The following RBMS3 variants were observed in gnomAD, a reference collection of about 807,000 sequenced individuals.
The protein encoded by RBMS3 is RNA binding motif single stranded interacting protein 3.
In RBMS3, 27 loss-of-function variants were observed where a neutral mutation model predicts 66.8. That is an observed-to-expected ratio of 0.40 (90% confidence interval 0.30 to 0.56). The LOEUF is 0.56. Among genes scored for constraint, RBMS3 ranks in the 20% least tolerant of loss-of-function variants. RBMS3 has a pLI of 0.40. For synonymous variants in RBMS3, 188 were observed against 183.0 expected (o/e 1.03, Z -0.22); for missense variants, 513 against 549.5 (o/e 0.93, Z 0.66).
At chr3:29,803,679 T>A (rs11719867) in intron 6 of RBMS3, among the ~76,000 whole-genome samples, 47,619 of 151,842 alleles carry the variant, frequency 0.31, 7,954 homozygotes, top group Non-Finnish European at 0.38. Flanking sequence ...ACATTAGATA[T>A]GTAAAATGTA....
chr3:29,478,044 C>A (rs2043010525), intron 2 of RBMS3, among the ~76,000 whole-genome samples: 1 of 152,172 alleles, frequency 6.6e-6, no homozygotes. Flanking sequence ...GCTGGGATTA[C>A]AGGTGTGAGC....
chr3:29,809,866 T>A (rs975885406), intron 6 of RBMS3, among the ~76,000 whole-genome samples: 1 of 152,028 alleles, frequency 6.6e-6, no homozygotes, highest in Non-Finnish European at 1.5e-5. Context: ...AGGAAAAAAA[T>A]CACTTAAGCA....
intron 6 of RBMS3, among the ~76,000 whole-genome samples, chr3:29,831,363 C>T (rs888308201): frequency 1.3e-5 from 2 of 151,980 alleles, no homozygotes; most frequent in African/African-American, 2.4e-5. Context: ...CATGGTGGGG[C>T]CCATTTACCT....
intron 6 of RBMS3, among the ~76,000 whole-genome samples, chr3:29,774,337 A>G (rs2149399929): frequency 1.3e-5 from 2 of 152,162 alleles, no homozygotes; most frequent in Non-Finnish European, 2.9e-5. Context: ...AACAGCAGAT[A>G]AAACCGTGAT....
intron 1 of RBMS3, among the ~76,000 whole-genome samples, chr3:29,375,423 G>A (rs754673491): frequency 5.9e-5 from 9 of 152,090 alleles, no homozygotes; most frequent in Non-Finnish European, 8.8e-5. Context: ...GACAACCTAC[G>A]GAATGGGAGA....
chr3:29,685,048 TTTTGC>T (rs1162060585), intron 4 of RBMS3, among the ~76,000 whole-genome samples: 5 of 107,174 alleles, frequency 4.7e-5, no homozygotes, highest in African/African-American at 1.8e-4. Flanking sequence ...AATTTTTTTG[TTTTGC>T]TTTGTTTTGT....
In RBMS3 at chr3:30,007,344, T is replaced by C. The variant is rs1318087272; in HGVS notation, c.*3482T>C. The C allele has an allele frequency of 6.6e-6, 1 of 152,032 alleles. No individual in the cohort carries two copies. Among genetic ancestry groups the C allele is most frequent in the East Asian group, 1.9e-4 (1 of 5,196 alleles). 9.4% of individuals were successfully genotyped at this position (152,032 alleles called of 1,614,324 possible). ...CTTTTTTTTTTTCTTTAAGTTGAAG[T>C]TAATTTTCTGTGCATTCTGGTCCAC... On this transcript the variant is annotated 3_prime_UTR_variant, in exon 15 of 15. Coordinates refer to ENST00000383767, the MANE Select transcript of RBMS3 (RefSeq NM_001003793.3).
chr3:29,757,313 A>G (rs901883371), intron 5 of RBMS3, among the ~76,000 whole-genome samples: 1 of 152,244 alleles, frequency 6.6e-6, no homozygotes, highest in Non-Finnish European at 1.5e-5. Context: ...GCCATGCAGA[A>G]AGCATGGGTT....
intron 12 of RBMS3, among the ~76,000 whole-genome samples, chr3:29,950,417 T>C (rs1423201706): frequency 6.6e-6 from 1 of 151,800 alleles, no homozygotes; most frequent in Non-Finnish European, 1.5e-5. Context: ...CAATGGACTT[T>C]AAAGTAAGCT....
At chr3:29,713,925 C>A (rs564175203) in intron 4 of RBMS3, among the ~76,000 whole-genome samples, 1 of 151,834 alleles carries the variant, frequency 6.6e-6, no homozygotes, top group Non-Finnish European at 1.5e-5. Flanking sequence ...CATGGTGGTG[C>A]GTGCCTGTAG....
chr3:29,633,318 A>G (rs998268730), intron 4 of RBMS3, among the ~76,000 whole-genome samples: 2 of 151,924 alleles, frequency 1.3e-5, no homozygotes, highest in Admixed American at 1.3e-4. Context: ...TTTATGATTC[A>G]TCCAATAAAA....
intron 3 of RBMS3, among the ~76,000 whole-genome samples, chr3:29,577,853 T>C (rs1475969732): frequency 6.6e-6 from 1 of 152,158 alleles, no homozygotes; most frequent in African/African-American, 2.4e-5. Flanking sequence ...TCTTTCAAGA[T>C]ATGAAGTTAA....
intron 6 of RBMS3, chr3:29,766,840 A>G (rs1326385710): frequency 6.6e-6 from 1 of 152,012 alleles, no homozygotes; most frequent in Non-Finnish European, 1.5e-5. Flanking sequence ...AGAGACCAAA[A>G]GCATGTGTTA....
chr3:29,316,648 A>C (rs2034695548), intron 1 of RBMS3, among the ~76,000 whole-genome samples: 1 of 151,506 alleles, frequency 6.6e-6, no homozygotes, highest in South Asian at 2.1e-4. Context: ...ATTATAATTA[A>C]ATTATTAAAT....
intron 3 of RBMS3, among the ~76,000 whole-genome samples, chr3:29,566,163 C>G (rs1230866164): frequency 1.3e-5 from 2 of 152,108 alleles, no homozygotes; most frequent in Admixed American, 1.3e-4. Flanking sequence ...ATTCTGTTCT[C>G]TATGATCTTG....
intron 11 of RBMS3, among the ~76,000 whole-genome samples, chr3:29,939,024 G>T (rs901569919): frequency 2.0e-5 from 3 of 151,962 alleles, no homozygotes; most frequent in Admixed American, 6.6e-5. Flanking sequence ...ACTGGTGGGA[G>T]TCTAGTTTAG....
At chr3:29,287,495 A>T (rs1458780074) in intron 1 of RBMS3, among the ~76,000 whole-genome samples, 1 of 152,036 alleles carries the variant, frequency 6.6e-6, no homozygotes. Flanking sequence ...GTGGCAGTAT[A>T]TTGCTTTTTA....
chr3:29,854,334 T>C (rs1308137795), intron 6 of RBMS3, among the ~76,000 whole-genome samples: 5 of 152,178 alleles, frequency 3.3e-5, no homozygotes, highest in African/African-American at 4.8e-5. Context: ...TTTGTATATA[T>C]AACAAGCAGG....
intron 3 of RBMS3, among the ~76,000 whole-genome samples, chr3:29,563,293 C>T (rs1379531): frequency 0.33 from 49,640 of 152,080 alleles, 9,600 homozygotes; most frequent in African/African-American, 0.52. Context: ...AGAAGAAAGA[C>T]ACATATTAAC....
Sources: allele counts gnomAD v4.1 joint callset (sites outside exome capture counted in the v4.1 genomes callset), GRCh38; gene constraint gnomAD v4.1.1; transcripts MANE v1.5; gene names NCBI Gene and HGNC (gene_info 2026-07-23, HGNC 2026-07-21).